NCKAP5: variants seen among roughly 807,000 people sequenced by gnomAD.
The protein encoded by NCKAP5 is NCK associated protein 5, also known as nck-associated protein 5.
A neutral mutation model predicts 167.0 loss-of-function variants in NCKAP5; 92 were observed. The observed-to-expected ratio is 0.55, with a 90% confidence interval of 0.47 to 0.66. NCKAP5 has a LOEUF of 0.66. Among genes scored for constraint, NCKAP5 ranks in the 30% least tolerant of loss-of-function variants. The probability of loss-of-function intolerance (pLI) is 0.00; values close to 1 mark genes in which losing one functional copy is unlikely to be tolerated. For synonymous variants in NCKAP5, 891 were observed against 877.4 expected, an observed-to-expected ratio of 1.02 and a Z score of -0.27; for missense variants, 2,378 against 2,315.0, an observed-to-expected ratio of 1.03 and a Z score of -0.56.
At chr2:133,557,588 G>T (rs146624420) in intron 2 of NCKAP5, among the ~76,000 whole-genome samples, 125 of 152,302 alleles carry the variant, frequency 8.2e-4, no homozygotes, top group African/African-American at 2.5e-3. Context: ...TCCCTTATAA[G>T]ATCATACAAA....
At chr2:132,806,270 T>C (rs886528350) in intron 11 of NCKAP5, among the ~76,000 whole-genome samples, 1 of 152,198 alleles carries the variant, frequency 6.6e-6, no homozygotes, top group Non-Finnish European at 1.5e-5. Context: ...AATGATTTGT[T>C]TTCCTCTGGG....
At chr2:132,911,647 T>C (rs1269408545) in intron 8 of NCKAP5, among the ~76,000 whole-genome samples, 2 of 152,200 alleles carry the variant, frequency 1.3e-5, no homozygotes, top group African/African-American at 4.8e-5. Context: ...TGTATATACA[T>C]GTAAATGCTG....
At chr2:133,191,368 T>A (rs1224438739) in intron 5 of NCKAP5, among the ~76,000 whole-genome samples, 7 of 152,152 alleles carry the variant, frequency 4.6e-5, no homozygotes, top group African/African-American at 1.4e-4. Context: ...AGTGTGGCGA[T>A]CCCTCAAGGA....
intron 11 of NCKAP5, among the ~76,000 whole-genome samples, chr2:132,843,006 C>G (rs1688402850): frequency 6.6e-6 from 1 of 152,124 alleles, no homozygotes; most frequent in Admixed American, 6.5e-5. Flanking sequence ...AATTTCCAAG[C>G]AGTAAACATT....
chr2:133,527,563 C>G (rs1685025659), intron 2 of NCKAP5, among the ~76,000 whole-genome samples: 1 of 120,710 alleles, frequency 8.3e-6, no homozygotes, highest in South Asian at 2.9e-4. Flanking sequence ...AACTTTAAAA[C>G]CAATTAACAT....
At chr2:132,697,270 G>A (rs1444027024) in intron 19 of NCKAP5, among the ~76,000 whole-genome samples, 6 of 152,212 alleles carry the variant, frequency 3.9e-5, no homozygotes, top group Admixed American at 3.9e-4. Flanking sequence ...TCAGGACAGT[G>A]CTCCCTTGAT....
intron 3 of NCKAP5, among the ~76,000 whole-genome samples, chr2:133,306,094 G>A (rs1680757733): frequency 6.6e-6 from 1 of 152,214 alleles, no homozygotes; most frequent in Non-Finnish European, 1.5e-5. Context: ...ACTCCTAGGG[G>A]GAATTTTGTG....
At chr2:133,292,965 T>C (rs1679706932) in intron 4 of NCKAP5, among the ~76,000 whole-genome samples, 1 of 152,164 alleles carries the variant, frequency 6.6e-6, no homozygotes, top group South Asian at 2.1e-4. Flanking sequence ...ACAATTCAAA[T>C]TCAATGTATT....
intron 7 of NCKAP5, among the ~76,000 whole-genome samples, chr2:132,979,921 T>G (rs1435775759): frequency 6.6e-6 from 1 of 152,108 alleles, no homozygotes; most frequent in Non-Finnish European, 1.5e-5. Flanking sequence ...ACAGGAAGCT[T>G]TCACATAGTG....
intron 6 of NCKAP5, among the ~76,000 whole-genome samples, chr2:133,107,609 G>C (rs1014523864): frequency 9.2e-5 from 14 of 152,248 alleles, no homozygotes; most frequent in African/African-American, 3.1e-4. Context: ...ATGCTAGCCA[G>C]CCCATGACAA....
intron 3 of NCKAP5, among the ~76,000 whole-genome samples, chr2:133,469,345 C>T (rs1283175607): frequency 6.6e-6 from 1 of 152,020 alleles, no homozygotes. Context: ...GGCCCCCACT[C>T]TCTTCTGGCT....
Position 132,920,729 on chromosome 2 carries a change from ATATG to A in NCKAP5, c.580-41817_580-41814del, listed in dbSNP as rs1270081651. 6.6e-4 allele frequency among the ~76,000 whole-genome samples: 70 copies of A among 105,888 alleles called. 3 individuals carry two copies. Among genetic ancestry groups the A allele is most frequent in the African/African-American group, 2.9e-3 (67 of 23,296 alleles). 69.5% of individuals were successfully genotyped at this position (105,888 alleles called of 152,430 possible). A position where few individuals can be genotyped will look rare whatever the true frequency, so the allele number is the denominator to read the frequency against. ...TATATGTATATATATGTATATATAT[ATATG>A]TATATATATGTGTATATATATATGT... On this transcript the variant is annotated intron_variant, in intron 8 of 19. Coordinates refer to ENST00000409261, the MANE Select transcript of NCKAP5 (RefSeq NM_207363.3).
intron 4 of NCKAP5, among the ~76,000 whole-genome samples, chr2:133,258,835 G>T (rs958845535): frequency 1.3e-5 from 2 of 151,946 alleles, no homozygotes; most frequent in African/African-American, 4.8e-5. Context: ...TTCTTAGAGA[G>T]AACTTCTGTA....
intron 3 of NCKAP5, among the ~76,000 whole-genome samples, chr2:133,413,922 G>A (rs534633873): frequency 2.6e-5 from 4 of 152,264 alleles, no homozygotes; most frequent in South Asian, 2.1e-4. Flanking sequence ...AGACTTGGCC[G>A]TCCAAGAGGT....
At chr2:133,526,250 AGGGAGGGAGGGAAGG>A (rs1558755533) in intron 2 of NCKAP5, among the ~76,000 whole-genome samples, 2 of 46,750 alleles carry the variant, frequency 4.3e-5, no homozygotes, top group African/African-American at 1.7e-4. Flanking sequence ...GGAGGGAAGG[AGGGAGGGAGGGAAGG>A]AGGGAGGGAG....
chr2:132,923,776 A>T (rs1228269928), intron 8 of NCKAP5, among the ~76,000 whole-genome samples: 2 of 152,202 alleles, frequency 1.3e-5, no homozygotes. Flanking sequence ...TATTTGGTAG[A>T]AAAAGCTAAT....
intron 6 of NCKAP5, among the ~76,000 whole-genome samples, chr2:133,094,766 C>T (rs145602269): frequency 1.3e-5 from 2 of 152,180 alleles, no homozygotes; most frequent in Admixed American, 1.3e-4. Context: ...ATCATACATG[C>T]CCTTTAAAAG....
At chr2:132,877,049 A>G (rs1009567101) in intron 9 of NCKAP5, among the ~76,000 whole-genome samples, 7 of 152,334 alleles carry the variant, frequency 4.6e-5, no homozygotes, top group Admixed American at 1.3e-4. Flanking sequence ...AAACTTTGCT[A>G]ATCAATACAT....
At chr2:133,280,508 G>A (rs2089898194) in intron 4 of NCKAP5, among the ~76,000 whole-genome samples, 1 of 152,078 alleles carries the variant, frequency 6.6e-6, no homozygotes, top group African/African-American at 2.4e-5. Flanking sequence ...CCAGGCTCGA[G>A]CCATCCTCCC....
Sources: allele counts gnomAD v4.1 joint callset (sites outside exome capture counted in the v4.1 genomes callset), GRCh38; gene constraint gnomAD v4.1.1; transcripts MANE v1.5; gene names NCBI Gene and HGNC (gene_info 2026-07-23, HGNC 2026-07-21).